The following PTPRK variants were observed in gnomAD, a reference collection of about 807,000 sequenced individuals.
PTPRK encodes receptor-type tyrosine-protein phosphatase kappa.
In PTPRK, 75 loss-of-function variants were observed where a neutral mutation model predicts 178.0. The observed-to-expected ratio is 0.42, with a 90% CI of 0.35 to 0.51. The LOEUF (loss-of-function observed/expected upper bound fraction) is 0.51, where lower values mean the gene tolerates loss of function less well. Among genes scored for constraint, PTPRK ranks in the 20% least tolerant of loss-of-function variants. The pLI is 0.02. For synonymous variants in PTPRK, 637 were observed against 620.6 expected, an observed-to-expected ratio of 1.03 and a Z score of -0.39; for missense variants, 1,441 against 1,797.8, an observed-to-expected ratio of 0.80 and a Z score of 3.59.
intron 7 of PTPRK, among the ~76,000 whole-genome samples, chr6:128,114,088 T>TA (rs1791104093): frequency 6.6e-6 from 1 of 152,014 alleles, no homozygotes; most frequent in Non-Finnish European, 1.5e-5. Context: ...GTTGATTACT[T>TA]AGAGGTTTGT....
intron 8 of PTPRK, among the ~76,000 whole-genome samples, chr6:128,084,485 G>A (rs539842844): frequency 1.4e-4 from 22 of 152,230 alleles, no homozygotes; most frequent in African/African-American, 5.3e-4. Flanking sequence ...TTATTCAAAG[G>A]TAAGAATCAA....
At chr6:128,323,894 G>A (rs1037254028) in intron 2 of PTPRK, among the ~76,000 whole-genome samples, 1 of 151,492 alleles carries the variant, frequency 6.6e-6, no homozygotes, top group Non-Finnish European at 1.5e-5. Flanking sequence ...AGAATAAACT[G>A]TCCGTGTGTA....
chr6:128,120,114 TTTG>T (rs1339625560), intron 7 of PTPRK, among the ~76,000 whole-genome samples: 18 of 152,096 alleles, frequency 1.2e-4, no homozygotes, highest in African/African-American at 1.7e-4. Flanking sequence ...TTGATAATAT[TTTG>T]TTATCATTAT....
At chr6:128,353,789 A>G (rs974786071) in intron 2 of PTPRK, among the ~76,000 whole-genome samples, 1 of 152,176 alleles carries the variant, frequency 6.6e-6, no homozygotes, top group African/African-American at 2.4e-5. Flanking sequence ...ATTCTGTTAT[A>G]TATCTTGATT....
chr6:128,389,536 G>A (rs1839262003), intron 2 of PTPRK, among the ~76,000 whole-genome samples: 1 of 150,202 alleles, frequency 6.7e-6, no homozygotes, highest in South Asian at 2.1e-4. Context: ...GTTTATTTTT[G>A]GAGAGGAGAA....
chr6:128,308,245 C>G (rs1486211998), intron 3 of PTPRK, among the ~76,000 whole-genome samples: 5 of 151,440 alleles, frequency 3.3e-5, no homozygotes, highest in Non-Finnish European at 5.9e-5. Context: ...AAAAAAGAAA[C>G]AAAATGATGA....
intron 1 of PTPRK, among the ~76,000 whole-genome samples, chr6:128,507,483 A>T (rs995063576): frequency 1.3e-5 from 2 of 152,112 alleles, no homozygotes; most frequent in African/African-American, 4.8e-5. Context: ...ATAATGAATG[A>T]CCAAACAGTG....
chr6:128,520,102 G>T (rs1222402022), intron 1 of PTPRK, among the ~76,000 whole-genome samples, 157 bp downstream of exon 1: 1 of 152,072 alleles, frequency 6.6e-6, no homozygotes, highest in East Asian at 1.9e-4. Context: ...CACCTGGCAC[G>T]AACTCTGGGG....
intron 6 of PTPRK, among the ~76,000 whole-genome samples, chr6:128,201,473 G>A (rs567559161): frequency 1.3e-5 from 2 of 152,276 alleles, no homozygotes; most frequent in East Asian, 3.9e-4. Flanking sequence ...AAAAGGACAT[G>A]TGTGGTAGTC....
intron 3 of PTPRK, among the ~76,000 whole-genome samples, chr6:128,247,203 T>C (rs1350021386): frequency 6.6e-6 from 1 of 152,230 alleles, no homozygotes; most frequent in Non-Finnish European, 1.5e-5. Context: ...CAATATGTAA[T>C]ACAAGATATT....
intron 13 of PTPRK, among the ~76,000 whole-genome samples, chr6:128,034,915 G>A (rs1775953293): frequency 6.6e-6 from 1 of 152,148 alleles, no homozygotes; most frequent in Admixed American, 6.5e-5. Context: ...TCACAGCAAT[G>A]TCAGAAAACA....
intron 3 of PTPRK, among the ~76,000 whole-genome samples, chr6:128,287,214 AC>A (rs1822646066): frequency 6.6e-6 from 1 of 152,096 alleles, no homozygotes; most frequent in African/African-American, 2.4e-5. Context: ...AGGCCCAGAT[AC>A]TACCAAGAGG....
At chr6:128,215,129 G>C (rs914794464) in intron 6 of PTPRK, among the ~76,000 whole-genome samples, 6 of 150,192 alleles carry the variant, frequency 4.0e-5, no homozygotes, top group Non-Finnish European at 7.4e-5. Flanking sequence ...AGTTTCACAG[G>C]TAAAAATGAT....
chr6:128,340,248 A>C (rs1369312509), intron 2 of PTPRK, among the ~76,000 whole-genome samples: 1 of 152,214 alleles, frequency 6.6e-6, no homozygotes, highest in Non-Finnish European at 1.5e-5. Flanking sequence ...AAAATAGCTA[A>C]GAGTTCACTG....
intron 1 of PTPRK, among the ~76,000 whole-genome samples, chr6:128,513,274 C>T (rs559948750): frequency 6.6e-6 from 1 of 152,106 alleles, no homozygotes; most frequent in African/African-American, 2.4e-5. Context: ...CACTTCAGCT[C>T]AGGAGTTCGT....
At chr6:128,072,300 T>C (rs1011013282) in intron 11 of PTPRK, among the ~76,000 whole-genome samples, 3 of 152,018 alleles carry the variant, frequency 2.0e-5, no homozygotes, top group East Asian at 3.9e-4. Flanking sequence ...TCTCAACTTA[T>C]GATGGGGTTA....
intron 2 of PTPRK, among the ~76,000 whole-genome samples, chr6:128,349,421 A>T (rs1363645140): frequency 4.6e-5 from 7 of 152,138 alleles, no homozygotes; most frequent in African/African-American, 1.7e-4. Context: ...AATTCATTGT[A>T]GTTTAATGCT....
intron 7 of PTPRK, among the ~76,000 whole-genome samples, chr6:128,156,916 A>T (rs2114586942): frequency 6.6e-6 from 1 of 152,010 alleles, no homozygotes; most frequent in East Asian, 1.9e-4. Context: ...TCCTTTTAAT[A>T]ACTGTGTGAC....
intron 1 of PTPRK, among the ~76,000 whole-genome samples, chr6:128,458,756 A>T (rs1848689122): frequency 6.6e-6 from 1 of 152,184 alleles, no homozygotes; most frequent in African/African-American, 2.4e-5. Flanking sequence ...AAACTAGAGG[A>T]ATAAAAAAGA....
Sources: allele counts gnomAD v4.1 joint callset (sites outside exome capture counted in the v4.1 genomes callset), GRCh38; gene constraint gnomAD v4.1.1; transcripts MANE v1.5; gene names NCBI Gene and HGNC (gene_info 2026-07-23, HGNC 2026-07-21).